Variants in PARP9 observed in about 807,000 individuals in gnomAD.
PARP9 encodes poly(ADP-ribose) polymerase family member 9.
PARP9 carries 48 observed loss-of-function variants against 68.8 expected under a neutral mutation model. That is an observed-to-expected ratio of 0.70 (90% CI 0.55 to 0.89). The LOEUF (loss-of-function observed/expected upper bound fraction) is 0.89, where lower values mean the gene tolerates loss of function less well. Ranked by LOEUF, PARP9 falls within the 40% of genes least tolerant of loss-of-function variation. The pLI is 0.00. For synonymous variants in PARP9, 309 were observed against 333.8 expected, an observed-to-expected ratio of 0.93 and a Z score of 0.81; for missense variants, 806 against 969.3, an observed-to-expected ratio of 0.83 and a Z score of 2.24.
chr3:122,557,608 A>G (rs1226461310), intron 3 of PARP9, among the ~76,000 whole-genome samples: 6 of 152,216 alleles, frequency 3.9e-5, no homozygotes, highest in Non-Finnish European at 5.9e-5. Flanking sequence ...ATTCATGCCC[A>G]ACGTGGGACA....
At position 122,555,346 on chromosome 3, in the gene PARP9, A is replaced by G. The variant is rs752996070; in HGVS notation, c.825T>C (p.Asn275=). 20 of 1,614,094 alleles carry G rather than the reference A, an allele frequency of 1.2e-5. No individual in the cohort carries two copies. The highest frequency in any genetic ancestry group is 1.6e-5 in the Non-Finnish European group (19 of 1,179,972). Residue 275 remains asparagine, a synonymous_variant, in exon 4 of 11, where the codon AAT becomes AAC. Transcript: ENST00000682323. ...GGGTCAGGTTGTTCACGACCATTGCATTGAAAGAAGGGGTGGTTTCTTGTC... is the reference window on the plus strand; with the variant it reads ...GGGTCAGGTTGTTCACGACCATTGCGTTGAAAGAAGGGGTGGTTTCTTGTC... ...ELGQETTPSF[N]AMVVNNLTLQ... is the part of the protein sequence containing the mutation.
chr3:122,546,742 TTC>T (rs958417545), intron 6 of PARP9, among the ~76,000 whole-genome samples: 8 of 151,900 alleles, frequency 5.3e-5, no homozygotes, highest in African/African-American at 1.9e-4. Flanking sequence ...AGATGTATCA[TTC>T]TCTGTGTTTC....
chr3:122,532,076 T>G, intron 10 of PARP9: 1 of 888,114 alleles, frequency 1.1e-6, no homozygotes, highest in Non-Finnish European at 1.3e-6. Flanking sequence ...GGCCTGACTC[T>G]GGTGGGTGCA....
At chr3:122,538,761 G>T (rs1287312845) in intron 8 of PARP9, among the ~76,000 whole-genome samples, 1 of 151,802 alleles carries the variant, frequency 6.6e-6, no homozygotes, top group Non-Finnish European at 1.5e-5. Context: ...CCCCTAAGCT[G>T]GCACTGGTGT....
At chr3:122,530,744 C>T (rs1559795741) in intron 10 of PARP9, among the ~76,000 whole-genome samples, 1 of 152,088 alleles carries the variant, frequency 6.6e-6, no homozygotes, top group Non-Finnish European at 1.5e-5. Flanking sequence ...AACTAAACAA[C>T]AGAAACGTAC....
At chr3:122,534,281 G>A in intron 10 of PARP9, 1 of 966,414 alleles carries the variant, frequency 1.0e-6, no homozygotes. Context: ...GCAACAGCCT[G>A]AGCACATTCT....
intron 3 of PARP9, among the ~76,000 whole-genome samples, chr3:122,557,802 G>T (rs575804414): frequency 2.1e-4 from 32 of 152,056 alleles, no homozygotes; most frequent in African/African-American, 6.8e-4. Flanking sequence ...TGGTGTCTAA[G>T]ATATTGTTGT....
rs762381889 is a variant in PARP9 at position 122,536,351 on chromosome 3, A to G, written c.1906-9T>C. The G allele has an allele frequency of 3.7e-6, 6 of 1,609,830 alleles. No homozygotes were observed. The South Asian group carries it at 6.6e-5, about 18-fold the overall frequency. On this transcript the variant is annotated splice_polypyrimidine_tract_variant and intron_variant, in intron 9 of 10. Coordinates refer to ENST00000682323, the MANE Select transcript of PARP9 (RefSeq NM_001146105.2). ...TTGTCTATCTTCTCCACCTAGAACCATAGAAAAGAAAGACTGAAAAAGAGG... is the reference window on the plus strand; with the variant it reads ...TTGTCTATCTTCTCCACCTAGAACCGTAGAAAAGAAAGACTGAAAAAGAGG...
In PARP9 at chr3:122,559,718, G is replaced by T; in HGVS notation, c.-89-9C>A. 1 of 1,215,836 alleles carries T rather than the reference G, an allele frequency of 8.2e-7. No individual in the cohort carries two copies. The highest frequency in any genetic ancestry group is 1.1e-6 in the Non-Finnish European group (1 of 882,840). The allele number at this position is 1,215,836 out of a possible 1,614,324, so 75.3% of individuals were successfully genotyped here. On this transcript the variant is annotated splice_polypyrimidine_tract_variant and intron_variant, in intron 1 of 10. Coordinates refer to ENST00000682323, the MANE Select transcript of PARP9 (RefSeq NM_001146105.2). Reference sequence around the variant, plus strand: ...GATATGGTGGCCCACTTCTAGGAATGAATTAGAAAAGATGCAATAAACATT... The same window carrying T: ...GATATGGTGGCCCACTTCTAGGAATTAATTAGAAAAGATGCAATAAACATT...
In PARP9 at chr3:122,545,433, A is replaced by G. The variant is rs2078629964; in HGVS notation, c.1383T>C (p.Ser461=). 4.3e-6 allele frequency: 7 copies of G among 1,614,096 alleles called. No individual in the cohort carries two copies. The highest frequency in any genetic ancestry group is 5.9e-6 in the Non-Finnish European group (7 of 1,180,032). The part of the protein sequence containing the change: ...RSKMLSLNNY[S]VPQSTREEKR... Reference sequence around the variant, plus strand: ...TTGGCCTGTGAATTTCTTACTCACCACTGTAATTGTTCAAACTCAGCATCT... The same window carrying G: ...TTGGCCTGTGAATTTCTTACTCACCGCTGTAATTGTTCAAACTCAGCATCT... The change falls in exon 7 of 11, where the codon AGT becomes AGC. Residue 461 remains serine (S), a splice_region_variant and synonymous_variant. Transcript: ENST00000682323.
intron 2 of PARP9, among the ~76,000 whole-genome samples, chr3:122,558,717 T>C (rs1392919403): frequency 6.6e-6 from 1 of 152,114 alleles, no homozygotes; most frequent in Non-Finnish European, 1.5e-5. Context: ...AAATTTAATT[T>C]TATTGTTTTT....
chr3:122,536,411 G>T, intron 9 of PARP9, 69 bp from the exon 10 acceptor site: 1 of 1,550,478 alleles, frequency 6.4e-7, no homozygotes. Flanking sequence ...CTGCTATACT[G>T]CTTCAAAAAT....
chr3:122,553,692 A>G (rs547398729), intron 4 of PARP9, among the ~76,000 whole-genome samples: 1 of 152,158 alleles, frequency 6.6e-6, no homozygotes, highest in Admixed American at 6.5e-5. Context: ...TGTTTGTTTT[A>G]CCAGTGTCTA....
At chr3:122,556,386 A>T (rs2079666564) in intron 3 of PARP9, among the ~76,000 whole-genome samples, 1 of 152,092 alleles carries the variant, frequency 6.6e-6, no homozygotes, top group Admixed American at 6.6e-5. Flanking sequence ...CATAAGTGGT[A>T]GTTACTATGA....
intron 8 of PARP9, among the ~76,000 whole-genome samples, chr3:122,538,077 A>G (rs1448541517): frequency 1.3e-5 from 2 of 152,232 alleles, no homozygotes; most frequent in African/African-American, 4.8e-5. Context: ...ATTGAGGGGA[A>G]CTCACTAGAG....
At chr3:122,539,523 C>A (rs1170189588) in intron 8 of PARP9, among the ~76,000 whole-genome samples, 1 of 31,356 alleles carries the variant, frequency 3.2e-5, no homozygotes, top group East Asian at 1.3e-3. Flanking sequence ...TTCTTTCTTT[C>A]TTTCTTTCTT....
At chr3:122,536,366 T>A in intron 9 of PARP9, 24 bp from the exon 10 acceptor site, 2 of 1,606,434 alleles carry the variant, frequency 1.2e-6, no homozygotes, top group Non-Finnish European at 1.7e-6. Context: ...AAAGAAAGAC[T>A]GAAAAAGAGG....
chr3:122,547,001 TATATATATATATAC>T lies in PARP9; in HGVS notation c.1327-1526_1327-1513del, dbSNP rs1397684410. ...ATATATATATATATATATATATATA[TATATATATATATAC>T]ACACACACACATACACACACATATA... On this transcript the variant is annotated intron_variant, in intron 6 of 10. Coordinates refer to ENST00000682323, the MANE Select transcript of PARP9 (RefSeq NM_001146105.2). 1.2e-3 allele frequency among the ~76,000 whole-genome samples: 118 copies of T among 100,916 alleles called. 2 individuals are homozygous for T. In the South Asian group the frequency reaches 0.013, roughly 11 times the overall value. 66.2% of individuals were successfully genotyped at this position (100,916 alleles called of 152,430 possible). A position where few individuals can be genotyped will look rare whatever the true frequency, so the allele number is the denominator to read the frequency against.
chr3:122,557,092 T>C (rs905138898), intron 3 of PARP9, among the ~76,000 whole-genome samples: 1 of 152,144 alleles, frequency 6.6e-6, no homozygotes, highest in East Asian at 1.9e-4. Context: ...CCTGGGCCGA[T>C]TGAAATAAGG....
Sources: allele counts gnomAD v4.1 joint callset (sites outside exome capture counted in the v4.1 genomes callset), GRCh38; gene constraint gnomAD v4.1.1; transcripts MANE v1.5; gene names NCBI Gene and HGNC (gene_info 2026-07-23, HGNC 2026-07-21).